The following SAMD4A variants were observed in gnomAD, a reference collection of about 807,000 sequenced individuals.
The protein encoded by SAMD4A is protein Smaug homolog 1.
A neutral mutation model predicts 81.3 loss-of-function variants in SAMD4A; 33 were observed. The ratio of observed to expected loss-of-function variants is 0.41; its 90% CI spans 0.31 to 0.54. The LOEUF (loss-of-function observed/expected upper bound fraction) is 0.54, where lower values mean the gene tolerates loss of function less well. SAMD4A is among the 20% of genes least tolerant of loss of function. The probability of loss-of-function intolerance (pLI) is 0.37; values close to 1 mark genes in which losing one functional copy is unlikely to be tolerated. For missense variants in SAMD4A, 854 were observed against 951.1 expected, an observed-to-expected ratio of 0.90 and a Z score of 1.34; for synonymous variants, 389 against 382.1, an observed-to-expected ratio of 1.02 and a Z score of -0.21.
In SAMD4A at chr14:54,737,561, T is replaced by TTTTTTTTTG. The variant is rs34263162; in HGVS notation, c.979+274_979+275insTTTTTTTTG. On this transcript the variant is annotated intron_variant, in intron 4 of 12. Coordinates refer to ENST00000554335, the MANE Select transcript of SAMD4A (RefSeq NM_015589.6). ...CTCTCTCTTTTTTTTTTTTTTTTTT[T>TTTTTTTTTG]GCATTGCAGTGACTTGTAGACCATT... Among the ~76,000 whole-genome samples the TTTTTTTTTG allele has an allele frequency of 4.9e-3, 605 of 122,484 alleles. 41 individuals are homozygous for TTTTTTTTTG. The East Asian group carries it at 0.055, about 11-fold the overall frequency. 80.4% of individuals were successfully genotyped at this position (122,484 alleles called of 152,430 possible).
At chr14:54,741,510 A>G (rs1343359257) in intron 4 of SAMD4A, among the ~76,000 whole-genome samples, 2 of 152,328 alleles carry the variant, frequency 1.3e-5, no homozygotes, top group African/African-American at 4.8e-5. Flanking sequence ...TTTTTTGAGC[A>G]CCTGCTGAGA....
intron 11 of SAMD4A, among the ~76,000 whole-genome samples, chr14:54,783,696 T>C (rs944036118): frequency 9.9e-5 from 15 of 152,220 alleles, no homozygotes; most frequent in African/African-American, 3.6e-4. Flanking sequence ...AGCTTTGTGT[T>C]AGTTGGCTAA....
intron 7 of SAMD4A, among the ~76,000 whole-genome samples, chr14:54,763,724 A>C (rs558408682): frequency 2.0e-5 from 3 of 152,234 alleles, no homozygotes; most frequent in Non-Finnish European, 4.4e-5. Context: ...GTGGCCCTGT[A>C]CACATGACTA....
chr14:54,763,231 A>G (rs1026178464), intron 7 of SAMD4A, among the ~76,000 whole-genome samples: 3 of 151,410 alleles, frequency 2.0e-5, no homozygotes, highest in Non-Finnish European at 4.4e-5. Context: ...AAAAAATACT[A>G]TAGCCGGACA....
intron 2 of SAMD4A, among the ~76,000 whole-genome samples, chr14:54,614,079 T>C (rs989134303): frequency 6.6e-6 from 1 of 152,254 alleles, no homozygotes. Context: ...TTTCTTTATA[T>C]ACTTTAAAGA....
At chr14:54,572,825 A>G (rs1346849951) in intron 2 of SAMD4A, among the ~76,000 whole-genome samples, 1 of 152,226 alleles carries the variant, frequency 6.6e-6, no homozygotes, top group Non-Finnish European at 1.5e-5. Flanking sequence ...GCCTTTAATT[A>G]ATATAGAATT....
chr14:54,770,442 C>A (rs1247181344), intron 9 of SAMD4A, among the ~76,000 whole-genome samples: 1 of 152,216 alleles, frequency 6.6e-6, no homozygotes, highest in East Asian at 1.9e-4. Context: ...TTTTGTAACA[C>A]AGTTTGCATT....
chr14:54,655,234 G>A (rs1008816703), intron 2 of SAMD4A, among the ~76,000 whole-genome samples: 1 of 152,178 alleles, frequency 6.6e-6, no homozygotes, highest in African/African-American at 2.4e-5. Context: ...CTGCCTCCCA[G>A]TCATATGTCC....
chr14:54,579,787 A>C (rs1354714166), intron 2 of SAMD4A, among the ~76,000 whole-genome samples: 1 of 152,210 alleles, frequency 6.6e-6, no homozygotes. Flanking sequence ...GGCCCTGCAC[A>C]CTGCAGAAAG....
At chr14:54,770,661 G>A (rs114184448) in intron 9 of SAMD4A, among the ~76,000 whole-genome samples, 397 of 152,330 alleles carry the variant, frequency 2.6e-3, no homozygotes, top group African/African-American at 9.2e-3. Flanking sequence ...TGGTGGCAGG[G>A]TGAAGAGCCC....
intron 2 of SAMD4A, among the ~76,000 whole-genome samples, chr14:54,698,113 CA>C (rs1257148896): frequency 1.3e-5 from 2 of 152,194 alleles, no homozygotes; most frequent in African/African-American, 4.8e-5. Context: ...AATTAGGCTC[CA>C]CCTTTCAAAG....
At chr14:54,692,153 G>A (rs893699836) in intron 2 of SAMD4A, among the ~76,000 whole-genome samples, 6 of 152,076 alleles carry the variant, frequency 3.9e-5, no homozygotes, top group East Asian at 1.9e-4. Context: ...CAACTTCCTC[G>A]TTATTTTAGA....
At chr14:54,689,881 C>T (rs1175408082) in intron 2 of SAMD4A, 1 of 152,282 alleles carries the variant, frequency 6.6e-6, no homozygotes, top group Non-Finnish European at 1.5e-5. Flanking sequence ...GGGACATCAT[C>T]TGTGAAGACA....
intron 2 of SAMD4A, among the ~76,000 whole-genome samples, chr14:54,653,538 C>T (rs1306567210): frequency 1.3e-5 from 2 of 151,760 alleles, no homozygotes; most frequent in African/African-American, 4.8e-5. Flanking sequence ...CAGGATTTCA[C>T]GATGTTGGCC....
intron 7 of SAMD4A, among the ~76,000 whole-genome samples, chr14:54,761,844 C>A (rs1201564023): frequency 6.6e-6 from 1 of 152,210 alleles, no homozygotes; most frequent in Non-Finnish European, 1.5e-5. Context: ...TTCACCTGCC[C>A]CACGTCCCCC....
At chr14:54,711,617 CA>C (rs1472627046) in intron 3 of SAMD4A, among the ~76,000 whole-genome samples, 1 of 152,012 alleles carries the variant, frequency 6.6e-6, no homozygotes, top group Non-Finnish European at 1.5e-5. Context: ...AGTTAAAAAA[CA>C]AAAATTACTT....
At chr14:54,619,671 C>T (rs1277860536) in intron 2 of SAMD4A, among the ~76,000 whole-genome samples, 2 of 152,160 alleles carry the variant, frequency 1.3e-5, no homozygotes. Flanking sequence ...GTCCCAGTGT[C>T]TGTTGTTCCC....
chr14:54,655,290 G>A (rs998442447), intron 2 of SAMD4A, among the ~76,000 whole-genome samples: 1 of 152,110 alleles, frequency 6.6e-6, no homozygotes, highest in Non-Finnish European at 1.5e-5. Flanking sequence ...TGGCAATTAC[G>A]GCACACACTT....
chr14:54,766,184 C>G (rs968933706), intron 8 of SAMD4A, among the ~76,000 whole-genome samples: 7 of 152,204 alleles, frequency 4.6e-5, no homozygotes, highest in Non-Finnish European at 1.5e-5. Context: ...AAGGCCTTCT[C>G]CCCACAAGCC....
Sources: allele counts gnomAD v4.1 joint callset (sites outside exome capture counted in the v4.1 genomes callset), GRCh38; gene constraint gnomAD v4.1.1; transcripts MANE v1.5; gene names NCBI Gene and HGNC (gene_info 2026-07-23, HGNC 2026-07-21).